SHOC2: variants seen among roughly 807,000 people sequenced by gnomAD.
SHOC2 encodes the protein SHOC2 leucine rich repeat scaffold protein.
Under a neutral mutation model 50.2 loss-of-function variants are expected in SHOC2, and 4 were observed. The ratio of observed to expected loss-of-function variants is 0.08; its 90% CI spans 0.04 to 0.18. The LOEUF is 0.18. Among genes scored for constraint, SHOC2 ranks in the 10% least tolerant of loss-of-function variants. The probability of loss-of-function intolerance (pLI) is 1.00; values close to 1 mark genes in which losing one functional copy is unlikely to be tolerated. For synonymous variants in SHOC2, 218 were observed against 244.5 expected, an observed-to-expected ratio of 0.89 and a Z score of 1.01; for missense variants, 388 against 669.6, an observed-to-expected ratio of 0.58 and a Z score of 4.64.
chr10:110,960,577 T>C (rs1164966953), intron 1 of SHOC2, among the ~76,000 whole-genome samples: 2 of 152,236 alleles, frequency 1.3e-5, no homozygotes, highest in Non-Finnish European at 2.9e-5. Context: ...AGAGGAACTA[T>C]TCTACTTAGG....
chr10:110,972,693 T>G (rs1213747147), intron 2 of SHOC2, among the ~76,000 whole-genome samples: 1 of 152,044 alleles, frequency 6.6e-6, no homozygotes, highest in Middle Eastern at 3.2e-3. Context: ...AAAAATTAGC[T>G]GGGCATGCTG....
rs548977483 is a variant in SHOC2, at chr10:111,009,509, C to T, written c.1422+124C>T. The stretch of plus-strand genomic sequence containing the variant: ...AGACTTTCCTATTCTAGTATTAGGG[C>T]TGAGTTTTATGTTCATATAACCTGG... On this transcript the variant is annotated intron_variant, in intron 7 of 8. Coordinates refer to ENST00000369452, the MANE Select transcript of SHOC2 (RefSeq NM_007373.4). The T allele has an allele frequency of 2.2e-4, 208 of 933,330 alleles. No individual in the cohort carries two copies. In the African/African-American group the frequency reaches 3.0e-3, roughly 13 times the overall value. The allele number at this position is 933,330 out of a possible 1,614,324, so 57.8% of individuals were successfully genotyped here.
chr10:110,962,484 G>A (rs1190470917), intron 1 of SHOC2, among the ~76,000 whole-genome samples: 1 of 151,666 alleles, frequency 6.6e-6, no homozygotes, highest in African/African-American at 2.4e-5. Context: ...TTTTTGAAAG[G>A]GTTGAATAGT....
At chr10:110,967,438 T>C (rs1847697394) in intron 2 of SHOC2, among the ~76,000 whole-genome samples, 1 of 152,190 alleles carries the variant, frequency 6.6e-6, no homozygotes, top group African/African-American at 2.4e-5. Flanking sequence ...TTGCACAAGA[T>C]TGCGGGGGAG....
chr10:110,944,879 T>C (rs1847217801), intron 1 of SHOC2, among the ~76,000 whole-genome samples: 1 of 152,210 alleles, frequency 6.6e-6, no homozygotes, highest in East Asian at 1.9e-4. Flanking sequence ...TTTGTGTGTG[T>C]GTGTCTTGGG....
At chr10:110,951,146 G>A (rs2134103780) in intron 1 of SHOC2, among the ~76,000 whole-genome samples, 1 of 152,242 alleles carries the variant, frequency 6.6e-6, no homozygotes, top group Non-Finnish European at 1.5e-5. Flanking sequence ...ATTTAATAAA[G>A]GCTTAATATC....
At chr10:110,954,111 A>G (rs924035205) in intron 1 of SHOC2, among the ~76,000 whole-genome samples, 5 of 151,554 alleles carry the variant, frequency 3.3e-5, no homozygotes, top group Non-Finnish European at 4.4e-5. Context: ...GTTTTTGTGT[A>G]TAATTTATTA....
intron 5 of SHOC2, among the ~76,000 whole-genome samples, chr10:111,007,321 G>T (rs557661217): frequency 6.6e-6 from 1 of 152,184 alleles, no homozygotes; most frequent in East Asian, 1.9e-4. Context: ...CAAACTTCCA[G>T]TTTAACTCCC....
At chr10:110,959,262 G>A (rs1418089838) in intron 1 of SHOC2, among the ~76,000 whole-genome samples, 1 of 152,148 alleles carries the variant, frequency 6.6e-6, no homozygotes, top group African/African-American at 2.4e-5. Flanking sequence ...ATCAGTATGA[G>A]TATCAGTGAT....
chr10:111,003,484 C>T (rs1848416144), intron 4 of SHOC2, among the ~76,000 whole-genome samples: 2 of 152,152 alleles, frequency 1.3e-5, no homozygotes, highest in East Asian at 1.9e-4. Context: ...CACTTACTTC[C>T]TACTAGGTAT....
chr10:110,919,750 G>C (rs538305170), intron 1 of SHOC2, 93 bp downstream of exon 1: 12 of 396,380 alleles, frequency 3.0e-5, no homozygotes, highest in Non-Finnish European at 5.3e-5. Context: ...GCTGTCGGTA[G>C]GGGGAGGCCC....
intron 3 of SHOC2, among the ~76,000 whole-genome samples, chr10:110,992,703 T>C (rs1848206856): frequency 6.6e-6 from 1 of 152,216 alleles, no homozygotes; most frequent in Non-Finnish European, 1.5e-5. Context: ...ATTTTAGTAA[T>C]TGGGTTTTAG....
chr10:110,929,582 T>A (rs1285620512), intron 1 of SHOC2, among the ~76,000 whole-genome samples: 1 of 152,258 alleles, frequency 6.6e-6, no homozygotes, highest in Non-Finnish European at 1.5e-5. Context: ...AAGTCCGAGA[T>A]TGAGGTGCCA....
chr10:110,996,432 T>G (rs1400710320), intron 3 of SHOC2, among the ~76,000 whole-genome samples: 1 of 151,046 alleles, frequency 6.6e-6, no homozygotes, highest in African/African-American at 2.4e-5. Flanking sequence ...GAGGCTAAGG[T>G]GGGAGGATCA....
intron 1 of SHOC2, among the ~76,000 whole-genome samples, chr10:110,931,978 A>G (rs1461821990): frequency 6.6e-6 from 1 of 152,112 alleles, no homozygotes; most frequent in Non-Finnish European, 1.5e-5. Context: ...CTGTTAGGGG[A>G]AGTTTTAAGT....
At chr10:110,926,746 T>C (rs183515525) in intron 1 of SHOC2, among the ~76,000 whole-genome samples, 1 of 152,336 alleles carries the variant, frequency 6.6e-6, no homozygotes, top group East Asian at 1.9e-4. Context: ...AATAACCTCA[T>C]GTATTTTGGA....
At chr10:110,983,678 C>G (rs1848026464) in intron 2 of SHOC2, among the ~76,000 whole-genome samples, 1 of 152,080 alleles carries the variant, frequency 6.6e-6, no homozygotes, top group Non-Finnish European at 1.5e-5. Flanking sequence ...GTCCTCATTC[C>G]CCTCTCTCCT....
chr10:110,953,098 G>T (rs1021197839), intron 1 of SHOC2, among the ~76,000 whole-genome samples: 6 of 152,192 alleles, frequency 3.9e-5, no homozygotes, highest in Non-Finnish European at 7.4e-5. Context: ...GGGATTGCTG[G>T]GTCAAATGGT....
intron 3 of SHOC2, among the ~76,000 whole-genome samples, chr10:110,986,753 G>A (rs577223740): frequency 6.6e-6 from 1 of 152,288 alleles, no homozygotes; most frequent in Admixed American, 6.5e-5. Flanking sequence ...TGGGATTACA[G>A]GCCTTAGCCA....
Sources: allele counts gnomAD v4.1 joint callset (sites outside exome capture counted in the v4.1 genomes callset), GRCh38; gene constraint gnomAD v4.1.1; transcripts MANE v1.5; gene names NCBI Gene and HGNC (gene_info 2026-07-23, HGNC 2026-07-21).